Variants in BTBD8 observed in about 807,000 individuals in gnomAD.
BTBD8 encodes BTB/POZ domain-containing protein 8.
A neutral mutation model predicts 162.9 loss-of-function variants in BTBD8; 110 were observed. The observed-to-expected ratio is 0.68, with a 90% CI of 0.58 to 0.79. The LOEUF is 0.79. Ranked by LOEUF, BTBD8 falls within the 30% of genes least tolerant of loss-of-function variation. The pLI is 0.00. For missense variants in BTBD8, 1,905 were observed against 2,085.4 expected, an observed-to-expected ratio of 0.91 and a Z score of 1.68; for synonymous variants, 667 against 716.1, an observed-to-expected ratio of 0.93 and a Z score of 1.10.
chr1:92,181,460 C>A lies in BTBD8; in HGVS notation c.3777C>A (p.Ser1259=). ...ACACTGGCAGTGCTACCACCTCCTC[C>A]GATGACATAAAGCCCAGATCTGAAG... is the stretch of plus-strand genomic sequence containing the variant. ...ESDTGSATTS[S]DDIKPRSEDY... is the part of the protein sequence containing the mutation. The change falls in exon 17 of 18, where the codon TCC becomes TCA. Residue 1259 remains serine (S), a synonymous_variant. Coordinates refer to ENST00000636805, the MANE Select transcript of BTBD8 (RefSeq NM_001376131.1). 1 of 1,551,648 alleles carries A rather than the reference C, an allele frequency of 6.4e-7. No homozygotes were observed. The highest frequency in any genetic ancestry group is 8.7e-7 in the Non-Finnish European group (1 of 1,146,980).
chr1:92,115,177 A>G, intron 4 of BTBD8: 1 of 535,866 alleles, frequency 1.9e-6, no homozygotes, highest in South Asian at 1.5e-5. Context: ...GCACCAGTAG[A>G]TAGATGCAGG....
chr1:92,143,283 A>G (rs1649819885), intron 7 of BTBD8, among the ~76,000 whole-genome samples: 1 of 152,148 alleles, frequency 6.6e-6, no homozygotes, highest in Non-Finnish European at 1.5e-5. Context: ...ATAGTCTTTT[A>G]TGAGTAGTCT....
intron 4 of BTBD8, among the ~76,000 whole-genome samples, chr1:92,119,087 C>A (rs1649123012): frequency 6.6e-6 from 1 of 151,630 alleles, no homozygotes; most frequent in African/African-American, 2.4e-5. Context: ...CAGTTCATTA[C>A]TGTACACTAC....
rs567641185 is a variant in BTBD8 at position 92,131,902 on chromosome 1, G to T, written c.752+2126G>T. Among the ~76,000 whole-genome samples, 4 of 152,120 alleles carry T rather than the reference G, an allele frequency of 2.6e-5. No individual in the cohort carries two copies. The East Asian group carries it at 7.8e-4, about 30-fold the overall frequency. On this transcript the variant is annotated intron_variant, in intron 5 of 17. Transcript: ENST00000636805. The stretch of plus-strand genomic sequence containing the variant: ...TTTTATAATTTTTAGTAGAGGTGAG[G>T]TCTCATCGTGTTGCCCAGGCCAGTC...
chr1:92,089,016 A>G (rs1648231543), intron 2 of BTBD8, 121 bp downstream of exon 2: 1 of 928,040 alleles, frequency 1.1e-6, no homozygotes, highest in African/African-American at 1.7e-5. Context: ...CCATTCACTT[A>G]AATTCCAAAT....
At position 92,184,593 on chromosome 1, in the gene BTBD8, ATGATT is replaced by A; in HGVS notation, c.*266_*270del. 6.9e-6 allele frequency: 2 copies of A among 290,626 alleles called. No homozygotes were observed. Among genetic ancestry groups the A allele is most frequent in the Non-Finnish European group, 1.3e-5 (2 of 156,976 alleles). 18.0% of individuals were successfully genotyped at this position (290,626 alleles called of 1,614,324 possible). Reference sequence around the variant, plus strand: ...AGCTTCAGTTTTCCTTTCCTAGCTGATGATTTGTTCACTTAATCATTATTCAAGAA... The same window carrying A: ...AGCTTCAGTTTTCCTTTCCTAGCTGATGTTCACTTAATCATTATTCAAGAA... On this transcript the variant is annotated 3_prime_UTR_variant, in exon 18 of 18. Transcript: ENST00000636805.
intron 9 of BTBD8, among the ~76,000 whole-genome samples, chr1:92,162,423 A>G (rs934825444): frequency 3.9e-5 from 6 of 152,202 alleles, no homozygotes; most frequent in African/African-American, 1.4e-4. Flanking sequence ...TGGATGGATA[A>G]TTCAAAGTAT....
At chr1:92,162,101 T>C (rs1404935322) in intron 9 of BTBD8, among the ~76,000 whole-genome samples, 2 of 152,182 alleles carry the variant, frequency 1.3e-5, no homozygotes, top group African/African-American at 4.8e-5. Flanking sequence ...TGATTGTATA[T>C]TGGCAGCGTT....
intron 2 of BTBD8, among the ~76,000 whole-genome samples, chr1:92,096,769 C>T (rs921025591): frequency 2.0e-5 from 3 of 152,052 alleles, no homozygotes; most frequent in Admixed American, 2.0e-4. Context: ...AATTCCTGGG[C>T]TTAAGCAGTC....
At chr1:92,147,390 T>C in intron 8 of BTBD8, 122 bp downstream of exon 8, 1 of 771,268 alleles carries the variant, frequency 1.3e-6, no homozygotes, top group Non-Finnish European at 2.1e-6. Context: ...GTAAGTAGCT[T>C]AGTGCTAAAC....
At position 92,180,735 on chromosome 1, in the gene BTBD8, G is replaced by T. The variant is rs975083863; in HGVS notation, c.3052G>T (p.Asp1018Tyr). 5.2e-6 allele frequency: 8 copies of T among 1,551,504 alleles called. No individual in the cohort carries two copies. Among genetic ancestry groups the T allele is most frequent in the Non-Finnish European group, 7.0e-6 (8 of 1,146,986 alleles). Residue 1018 changes from aspartate to tyrosine, a missense_variant, in exon 17 of 18, where the codon GAT becomes TAT. Asp to Tyr is a radical substitution (Grantham distance 160). Around this residue, in one of 3 missense-constraint regions of BTBD8, gnomAD observed 1,374 missense variants for 1,442.7 expected, o/e 0.95. Transcript: ENST00000636805. ...GCCTGACCCACAAAAGCCATTAAAC[G>T]ATCAAGAAAAAGAGAAGTTGGCGTT... ...CRPDPQKPLN[D>Y]QEKEKLALEC...
chr1:92,180,276 G>A lies in BTBD8; in HGVS notation c.2593G>A (p.Glu865Lys). 1 of 1,540,750 alleles carries A rather than the reference G, an allele frequency of 6.5e-7. No individual in the cohort carries two copies. Among genetic ancestry groups the A allele is most frequent in the Non-Finnish European group, 8.7e-7 (1 of 1,143,326 alleles). ...CTTACTTTTCTTAGGATCCCAAGGA[G>A]AGTCACCAAACTCAGTAAAATCTTC... is the stretch of plus-strand genomic sequence containing the variant. ...NLTKTQGSQG[E>K]SPNSVKSSVS... The change falls in exon 17 of 18, where the codon GAG becomes AAG. Residue 865 changes from glutamate (E) to lysine (K), a missense_variant. Transcript: ENST00000636805.
intron 13 of BTBD8, among the ~76,000 whole-genome samples, chr1:92,173,462 A>C (rs1005490693): frequency 6.6e-6 from 1 of 152,084 alleles, no homozygotes; most frequent in Non-Finnish European, 1.5e-5. Context: ...GTGTTTTTTA[A>C]AGGCCCCCAG....
rs1649465943 is a variant in BTBD8, at chr1:92,129,798, C to T, written c.752+22C>T. On this transcript the variant is annotated intron_variant, in intron 5 of 17. Transcript: ENST00000636805. ...AAGGGTAAGCATATTTTTACAGGGC[C>T]ATTTGACTGCAAATGATTGTAAATT... 3 of 1,555,780 alleles carry T rather than the reference C, an allele frequency of 1.9e-6. No individual in the cohort carries two copies. In the East Asian group the frequency reaches 6.7e-5, roughly 35 times the overall value.
At chr1:92,135,796 CTT>C (rs1557452375) in intron 5 of BTBD8, among the ~76,000 whole-genome samples, 1 of 151,988 alleles carries the variant, frequency 6.6e-6, no homozygotes, top group African/African-American at 2.4e-5. Flanking sequence ...TTTAATATGA[CTT>C]ATTTTTATTT....
chr1:92,099,468 A>G (rs1447280440), intron 2 of BTBD8, among the ~76,000 whole-genome samples: 1 of 151,526 alleles, frequency 6.6e-6, no homozygotes, highest in Non-Finnish European at 1.5e-5. Flanking sequence ...ATTGCATTTA[A>G]TCTGTAGATC....
At chr1:92,103,975 C>T (rs1158380227) in intron 3 of BTBD8, among the ~76,000 whole-genome samples, 2 of 152,190 alleles carry the variant, frequency 1.3e-5, no homozygotes, top group African/African-American at 4.8e-5. Flanking sequence ...GGGTGTGTCT[C>T]ATAACACATG....
rs375839613 is a variant in BTBD8, at chr1:92,182,009, C to T, written c.4326C>T (p.Val1442=). 16 of 1,551,204 alleles carry T rather than the reference C, an allele frequency of 1.0e-5. No homozygotes were observed. The highest frequency in any genetic ancestry group is 1.3e-5 in the Non-Finnish European group (15 of 1,146,772). Residue 1442 remains valine (V), a synonymous_variant, in exon 17 of 18, where the codon GTC becomes GTT. Coordinates refer to ENST00000636805, the MANE Select transcript of BTBD8 (RefSeq NM_001376131.1). ...TTAAAAGGTCAGTTTTACTTTCAGT[C>T]GATGAATGTGAAGAGCTGGGATCAG... ...KKFKRSVLLS[V]DECEELGSDE...
rs1570764276 is a variant in BTBD8, at chr1:92,182,577, A to G, written c.4894A>G (p.Asn1632Asp). Reference protein sequence around the residue: ...ESHSTTTEKANIALSAGDIDD... With the variant: ...ESHSTTTEKADIALSAGDIDD... ...CCATTCTACAACTACTGAAAAAGCT[A>G]ATATTGCTTTATCTGCAGGTAATGT... Residue 1632 changes from asparagine to aspartate, a missense_variant, in exon 17 of 18, where the codon AAT becomes GAT. Asn to Asp is a conservative substitution (Grantham distance 23, BLOSUM62 1). Transcript: ENST00000636805. 6.7e-7 allele frequency: 1 copy of G among 1,495,994 alleles called. No individual in the cohort carries two copies. The highest frequency in any genetic ancestry group is 2.5e-5 in the East Asian group (1 of 40,264). 92.7% of individuals were successfully genotyped at this position (1,495,994 alleles called of 1,614,324 possible). A position where few individuals can be genotyped will look rare whatever the true frequency, so the allele number is the denominator to read the frequency against.
Sources: allele counts gnomAD v4.1 joint callset (sites outside exome capture counted in the v4.1 genomes callset), GRCh38; gene constraint gnomAD v4.1.1; regional missense constraint gnomAD v4.1.1; transcripts MANE v1.5; gene names NCBI Gene and HGNC (gene_info 2026-07-23, HGNC 2026-07-21).